SRBD1: variants seen among roughly 807,000 people sequenced by gnomAD.
SRBD1 encodes the protein S1 RNA binding domain 1.
A neutral mutation model predicts 115.3 loss-of-function variants in SRBD1; 88 were observed. The observed-to-expected ratio is 0.76, with a 90% CI of 0.64 to 0.91. The LOEUF is 0.91. SRBD1 is among the 40% of genes least tolerant of loss of function. The probability of loss-of-function intolerance (pLI) is 0.00; values close to 1 mark genes in which losing one functional copy is unlikely to be tolerated. For synonymous variants in SRBD1, 509 were observed against 407.7 expected, an observed-to-expected ratio of 1.25 and a Z score of -2.99; for missense variants, 1,385 against 1,177.4, an observed-to-expected ratio of 1.18 and a Z score of -2.58.
At position 45,512,245 on chromosome 2, in the gene SRBD1, T is replaced by A. The variant is rs537026676; in HGVS notation, c.1875-23914A>T. On this transcript the variant is annotated intron_variant, in intron 14 of 20. Transcript: ENST00000263736. ...GAAAGAAAATCTTCATGTAATTGACTATCATTTCTCCAAGTGTTTTACCTA... is the reference window on the plus strand; with the variant it reads ...GAAAGAAAATCTTCATGTAATTGACAATCATTTCTCCAAGTGTTTTACCTA... 2.0e-5 allele frequency among the ~76,000 whole-genome samples: 3 copies of A among 152,324 alleles called. No homozygotes were observed. In the East Asian group the frequency reaches 5.8e-4, roughly 29 times the overall value.
chr2:45,489,834 C>A (rs774569181), intron 14 of SRBD1, among the ~76,000 whole-genome samples: 16 of 151,210 alleles, frequency 1.1e-4, no homozygotes, highest in Non-Finnish European at 2.1e-4. Flanking sequence ...AATAGTTTCT[C>A]AAACTCTCAA....
intron 2 of SRBD1, among the ~76,000 whole-genome samples, chr2:45,603,849 A>G (rs1674177906): frequency 6.6e-6 from 1 of 152,078 alleles, no homozygotes; most frequent in Non-Finnish European, 1.5e-5. Context: ...AATTTTATAT[A>G]GTATCTCCAA....
intron 14 of SRBD1, among the ~76,000 whole-genome samples, chr2:45,520,674 CAGAGAA>C (rs112252757): frequency 0.15 from 22,766 of 152,070 alleles, 2,456 homozygotes; most frequent in African/African-American, 0.31. Flanking sequence ...AATGGCGCAG[CAGAGAA>C]AGAGGAGAGA....
intron 16 of SRBD1, among the ~76,000 whole-genome samples, chr2:45,468,808 C>G (rs1669567388): frequency 1.3e-5 from 2 of 152,130 alleles, no homozygotes; most frequent in African/African-American, 4.8e-5. Context: ...CTGTTAACTT[C>G]CAGTGCTCTC....
At chr2:45,457,421 C>T (rs2103762098) in intron 16 of SRBD1, among the ~76,000 whole-genome samples, 1 of 152,044 alleles carries the variant, frequency 6.6e-6, no homozygotes, top group East Asian at 1.9e-4. Flanking sequence ...CAGATTTTGG[C>T]CAACAGAGCC....
intron 16 of SRBD1, among the ~76,000 whole-genome samples, chr2:45,423,276 A>C (rs1198270740): frequency 6.6e-6 from 1 of 152,218 alleles, no homozygotes; most frequent in Non-Finnish European, 1.5e-5. Flanking sequence ...ATGTGAAGCA[A>C]ATGGAATGCT....
chr2:45,572,160 C>T (rs1212828170), intron 9 of SRBD1, among the ~76,000 whole-genome samples: 3 of 152,078 alleles, frequency 2.0e-5, no homozygotes, highest in South Asian at 2.1e-4. Context: ...AATAAGGCAT[C>T]GTAAGATTAA....
Position 45,551,224 on chromosome 2 carries a change from G to A in SRBD1, c.1576C>T (p.Arg526Cys). 1.2e-6 allele frequency: 2 copies of A among 1,613,072 alleles called. No individual in the cohort carries two copies. Among genetic ancestry groups the A allele is most frequent in the Non-Finnish European group, 1.7e-6 (2 of 1,179,852 alleles). The change falls in exon 12 of 21, where the codon CGT (arginine) becomes TGT (cysteine). Residue 526 changes from arginine (R) to cysteine (C), a missense_variant. Coordinates refer to ENST00000263736, the MANE Select transcript of SRBD1 (RefSeq NM_018079.5). ...ACAGGGCTTGTTAAAAGGAGCTGAC[G>A]AAGGTTCCGTCCAAACATCATTACT... ...ESVMMFGRNLRQLLLTSPVPG... is the reference protein window; with the variant it reads ...ESVMMFGRNLCQLLLTSPVPG...
At chr2:45,603,657 G>C (rs577660502) in intron 2 of SRBD1, among the ~76,000 whole-genome samples, 27 of 152,206 alleles carry the variant, frequency 1.8e-4, no homozygotes, top group African/African-American at 6.5e-4. Flanking sequence ...AGTCCCCCAG[G>C]TAGCTGGGAT....
chr2:45,413,862 G>A (rs754092891), intron 18 of SRBD1, among the ~76,000 whole-genome samples: 44 of 152,186 alleles, frequency 2.9e-4, no homozygotes, highest in Non-Finnish European at 5.4e-4. Context: ...AACCTGGCAG[G>A]CGGCGGTTGC....
chr2:45,489,911 T>C (rs1670242194), intron 14 of SRBD1, among the ~76,000 whole-genome samples: 1 of 152,198 alleles, frequency 6.6e-6, no homozygotes, highest in Non-Finnish European at 1.5e-5. Flanking sequence ...GAAGAGCTAC[T>C]TTCTCAAACA....
intron 9 of SRBD1, among the ~76,000 whole-genome samples, chr2:45,570,901 T>C (rs1433604207): frequency 6.6e-6 from 1 of 152,150 alleles, no homozygotes; most frequent in Non-Finnish European, 1.5e-5. Context: ...AGGTGGCCTT[T>C]GTCAAAAGTA....
At position 45,392,973 on chromosome 2, in the gene SRBD1, G is replaced by T. The variant is rs865875771; in HGVS notation, c.2670C>A (p.Ser890Arg). 2 of 1,611,652 alleles carry T rather than the reference G, an allele frequency of 1.2e-6. No individual in the cohort carries two copies. The highest frequency in any genetic ancestry group is 1.3e-5 in the African/African-American group (1 of 74,988). ...TTCGAAAGTCAAAGCTTTCAGGCTG[G>T]CTGAGACCATCTATGATGACCTGTA... Reference protein sequence around the residue: ...HTLQVIIDGLSQPESFDFRTD... With the variant: ...HTLQVIIDGLRQPESFDFRTD... The change falls in exon 20 of 21, where the codon AGC becomes AGA. Residue 890 changes from serine (S) to arginine (R), a missense_variant. Physicochemically the swap from Ser to Arg is moderately radical, Grantham distance 110. Transcript: ENST00000263736.
At chr2:45,396,970 T>C (rs567280010) in intron 19 of SRBD1, among the ~76,000 whole-genome samples, 3 of 152,278 alleles carry the variant, frequency 2.0e-5, no homozygotes, top group South Asian at 2.1e-4. Flanking sequence ...AACCATGCTA[T>C]AAGGGCAAAG....
intron 14 of SRBD1, among the ~76,000 whole-genome samples, chr2:45,488,577 T>A (rs1431198258): frequency 6.6e-6 from 1 of 152,234 alleles, no homozygotes; most frequent in Non-Finnish European, 1.5e-5. Context: ...AGAAATCAGT[T>A]GCTTTCTCTG....
Position 45,586,595 on chromosome 2 carries a change from G to A in SRBD1, c.649-821C>T, listed in dbSNP as rs1046838235. 2.0e-5 allele frequency among the ~76,000 whole-genome samples: 3 copies of A among 150,792 alleles called. No individual in the cohort carries two copies. In the South Asian group the frequency reaches 6.4e-4, roughly 32 times the overall value. ...GTGTCTCGCTCTTTCACCCAGGCTG[G>A]AGTGCAGTGGCACAACTGTGATTCA... On this transcript the variant is annotated intron_variant, in intron 4 of 20. Coordinates refer to ENST00000263736, the MANE Select transcript of SRBD1 (RefSeq NM_018079.5).
At chr2:45,540,813 G>T (rs905674008) in intron 14 of SRBD1, among the ~76,000 whole-genome samples, 1 of 152,190 alleles carries the variant, frequency 6.6e-6, no homozygotes, top group Admixed American at 6.5e-5. Context: ...AAACCACAAT[G>T]AGATATCACT....
intron 19 of SRBD1, among the ~76,000 whole-genome samples, chr2:45,401,327 T>C (rs1667286958): frequency 6.6e-6 from 1 of 152,190 alleles, no homozygotes; most frequent in Admixed American, 6.5e-5. Context: ...TTAACATTTT[T>C]ATATTTTAGG....
At chr2:45,542,164 G>A (rs1234605386) in intron 14 of SRBD1, among the ~76,000 whole-genome samples, 1 of 152,230 alleles carries the variant, frequency 6.6e-6, no homozygotes, top group Non-Finnish European at 1.5e-5. Context: ...TGTGTTGGTT[G>A]GTGCCCAAAA....
Sources: allele counts gnomAD v4.1 joint callset (sites outside exome capture counted in the v4.1 genomes callset), GRCh38; gene constraint gnomAD v4.1.1; transcripts MANE v1.5; gene names NCBI Gene and HGNC (gene_info 2026-07-23, HGNC 2026-07-21).